The following RAPGEFL1 variants were observed in gnomAD, a reference collection of about 807,000 sequenced individuals.
RAPGEFL1 encodes rap guanine nucleotide exchange factor-like 1.
Under a neutral mutation model 64.4 loss-of-function variants are expected in RAPGEFL1, and 31 were observed. The ratio of observed to expected loss-of-function variants is 0.48; its 90% CI spans 0.36 to 0.65. The LOEUF is 0.65. RAPGEFL1 is among the 30% of genes least tolerant of loss of function. The pLI is 0.00. For missense variants in RAPGEFL1, 682 were observed against 677.4 expected (o/e 1.01, Z -0.08); for synonymous variants, 331 against 274.1 (o/e 1.21, Z -2.05).
In RAPGEFL1 at chr17:40,193,950, T is replaced by A. The variant is rs1411727428; in HGVS notation, c.*162T>A. 5 of 969,418 alleles carry A rather than the reference T, an allele frequency of 5.2e-6. No homozygotes were observed. The highest frequency in any genetic ancestry group is 7.4e-6 in the Non-Finnish European group (5 of 673,382). 60.1% of individuals were successfully genotyped at this position (969,418 alleles called of 1,614,324 possible). A position where few individuals can be genotyped will look rare whatever the true frequency, so the allele number is the denominator to read the frequency against. On this transcript the variant is annotated 3_prime_UTR_variant, in exon 15 of 15. Coordinates refer to ENST00000620260, the MANE Select transcript of RAPGEFL1 (RefSeq NM_016339.6). ...ACCCCTGGACCCATAAGTCTGTTCA[T>A]CCTGCTGAAGTCCCCTCCCCATTGC...
chr17:40,189,690 T>C (rs979160497), intron 6 of RAPGEFL1, among the ~76,000 whole-genome samples: 1 of 152,184 alleles, frequency 6.6e-6, no homozygotes, highest in East Asian at 1.9e-4. Flanking sequence ...AACAAGACTC[T>C]GTCTCTAAAA....
rs189116508 is a variant in RAPGEFL1 at position 40,178,823 on chromosome 17, G to A, written c.520+442G>A. On this transcript the variant is annotated intron_variant, in intron 1 of 14. Transcript: ENST00000620260. ...CTGACTGTTCAGAGGCCTACACAGC[G>A]CAGGCTGACCCACCCAGGGAGGCAG... Among the ~76,000 whole-genome samples, 14 of 152,348 alleles carry A rather than the reference G, an allele frequency of 9.2e-5. No individual in the cohort carries two copies. In the East Asian group the frequency reaches 2.1e-3, roughly 23 times the overall value.
chr17:40,186,663 C>T (rs1210901084), intron 4 of RAPGEFL1, among the ~76,000 whole-genome samples: 2 of 142,046 alleles, frequency 1.4e-5, no homozygotes, highest in East Asian at 2.2e-4. Context: ...TTTGGGAGGC[C>T]GAGGCAGGCA....
chr17:40,189,047 G>A, intron 5 of RAPGEFL1, 69 bp downstream of exon 5: 1 of 1,506,340 alleles, frequency 6.6e-7, no homozygotes, highest in Non-Finnish European at 9.2e-7. Flanking sequence ...TGGGTCTTGA[G>A]CACCCTCAGT....
At chr17:40,187,639 C>A (rs1030082093) in intron 4 of RAPGEFL1, among the ~76,000 whole-genome samples, 1 of 151,848 alleles carries the variant, frequency 6.6e-6, no homozygotes, top group African/African-American at 2.4e-5. Flanking sequence ...GAGACAGAGC[C>A]TGGCTCTGTC....
Position 40,193,369 on chromosome 17 carries a change from G to A in RAPGEFL1, c.1816G>A (p.Val606Met). 1 of 1,614,166 alleles carries A rather than the reference G, an allele frequency of 6.2e-7. No homozygotes were observed. The highest frequency in any genetic ancestry group is 8.5e-7 in the Non-Finnish European group (1 of 1,180,044). ...GLVNIEKLHS[V>M]AEKVRTIRKY... ...ATTCCTTGTCATCTCCCAGCATTCA[G>A]TGGCCGAAAAAGTGAGGACAATCCG... Residue 606 changes from valine to methionine, a missense_variant, in exon 14 of 15, where the codon GTG (valine) becomes ATG (methionine). By Grantham distance (21) the Val-to-Met change is conservative. Coordinates refer to ENST00000620260, the MANE Select transcript of RAPGEFL1 (RefSeq NM_016339.6).
chr17:40,188,709 T>G (rs1378635598), intron 4 of RAPGEFL1, 157 bp from the exon 5 acceptor site: 1 of 639,302 alleles, frequency 1.6e-6, no homozygotes, highest in East Asian at 2.7e-5. Context: ...TATCCCATAC[T>G]GCTCATTGTC....
chr17:40,180,692 C>T (rs896716884), intron 1 of RAPGEFL1, among the ~76,000 whole-genome samples: 2 of 152,206 alleles, frequency 1.3e-5, no homozygotes, highest in African/African-American at 2.4e-5. Context: ...TTCACATTTG[C>T]GAAATGAAAT....
chr17:40,193,781 G>A lies in RAPGEFL1; in HGVS notation c.1982G>A (p.Ser661Asn). ...CTCTCCTACAAGCTGGAGGCAAACA[G>A]TCAGTGAGAGTGGAGGCTCCAGTCA... ...FELSYKLEAN[S>N]Q is the part of the protein sequence containing the mutation. Residue 661 changes from serine to asparagine, a missense_variant, in exon 15 of 15, where the codon AGT becomes AAT. Physicochemically the swap from Ser to Asn is conservative, Grantham distance 46 (BLOSUM62 1). Coordinates refer to ENST00000620260, the MANE Select transcript of RAPGEFL1 (RefSeq NM_016339.6). 6.2e-7 allele frequency: 1 copy of A among 1,614,050 alleles called. No individual in the cohort carries two copies. The highest frequency in any genetic ancestry group is 2.2e-5 in the East Asian group (1 of 44,860).
At chr17:40,184,550 T>C (rs764117903) in intron 3 of RAPGEFL1, 31 bp from the exon 4 acceptor site, 1 of 1,384,052 alleles carries the variant, frequency 7.2e-7, no homozygotes, top group Non-Finnish European at 1.0e-6. Context: ...TGAGACCCCT[T>C]CCTTCACCTT....
intron 4 of RAPGEFL1, among the ~76,000 whole-genome samples, chr17:40,188,005 C>T (rs1487680861): frequency 2.7e-5 from 4 of 150,660 alleles, no homozygotes; most frequent in South Asian, 2.1e-4. Context: ...ACCTCCCCCT[C>T]CCGGGTTCAA....
Position 40,177,477 on chromosome 17 carries a change from C to G in RAPGEFL1, c.-385C>G, listed in dbSNP as rs757909934. On this transcript the variant is annotated 5_prime_UTR_variant, in exon 1 of 15. Transcript: ENST00000620260. ...GCGGTCTCGGTTCTGCCACCTTCCC[C>G]CTCTTCACGGCCAGGAGCGCAGCCG... The G allele has an allele frequency of 1.6e-6, 1 of 633,156 alleles. No homozygotes were observed. Among genetic ancestry groups the G allele is most frequent in the African/African-American group, 1.8e-5 (1 of 54,662 alleles). The allele number at this position is 633,156 out of a possible 1,614,324, so 39.2% of individuals were successfully genotyped here.
rs1989781011 is a variant in RAPGEFL1 at position 40,178,220 on chromosome 17, T to A, written c.359T>A (p.Leu120Gln). Residue 120 changes from leucine to glutamine, a missense_variant, in exon 1 of 15, where the codon CTG becomes CAG. This residue lies in a region of RAPGEFL1 where 271 missense variants were observed against 158.0 expected (regional missense o/e 1.72). Coordinates refer to ENST00000620260, the MANE Select transcript of RAPGEFL1 (RefSeq NM_016339.6). ...GPGPLGGGGP[L>Q]RSPSSYSSDE... ...GGGCCTCTCGGGGGAGGGGGGCCCC[T>A]GCGCTCCCCTTCCTCCTACTCATCT... The A allele has an allele frequency of 1.7e-6, 1 of 590,578 alleles. No individual in the cohort carries two copies. The highest frequency in any genetic ancestry group is 3.1e-6 in the Non-Finnish European group (1 of 326,512). The allele number at this position is 590,578 out of a possible 1,614,324, so 36.6% of individuals were successfully genotyped here.
intron 1 of RAPGEFL1, chr17:40,181,305 C>T (rs1264071486): frequency 3.9e-6 from 2 of 518,874 alleles, no homozygotes; most frequent in African/African-American, 1.9e-5. Flanking sequence ...TCAGGCAGAA[C>T]TCAACCTTGG....
At chr17:40,179,282 GGT>G (rs1237328126) in intron 1 of RAPGEFL1, among the ~76,000 whole-genome samples, 6 of 152,300 alleles carry the variant, frequency 3.9e-5, no homozygotes, top group Admixed American at 3.3e-4. Flanking sequence ...TAGCCAGGAT[GGT>G]CTCGAACTCC....
intron 4 of RAPGEFL1, among the ~76,000 whole-genome samples, chr17:40,185,783 CAAAAA>C (rs750937174): frequency 4.1e-5 from 2 of 48,912 alleles, no homozygotes; most frequent in Non-Finnish European, 8.3e-5. Flanking sequence ...GATTCTGTCT[CAAAAA>C]AAAAAAAAAA....
Position 40,192,990 on chromosome 17 carries a change from GGTGA to G in RAPGEFL1, c.1809+8_1809+11del, listed in dbSNP as rs1417382825. 3.1e-6 allele frequency: 5 copies of G among 1,613,564 alleles called. No homozygotes were observed. Among genetic ancestry groups the G allele is most frequent in the Non-Finnish European group, 3.4e-6 (4 of 1,179,462 alleles). ...ATGGTTTGGTGAACATCGAGAAGCT[GGTGA>G]GTGAGTGGCACTGCAAACCCCTAGT... On this transcript the variant is annotated splice_donor_variant and splice_donor_region_variant and intron_variant, in intron 13 of 14. Transcript: ENST00000620260. LOFTEE classifies it high-confidence loss of function.
At chr17:40,177,212 A>G (rs1484628397), upstream of RAPGEFL1, 3 of 702,504 alleles carry the variant, frequency 4.3e-6, no homozygotes, top group Non-Finnish European at 7.8e-6. Context: ...TGTCCAGGCC[A>G]CAGACCTGTC....
Position 40,190,578 on chromosome 17 carries a change from C to A in RAPGEFL1, c.1212+47C>A, listed in dbSNP as rs1228375703. On this transcript the variant is annotated intron_variant, in intron 7 of 14. Transcript: ENST00000620260. ...GACTGGAATGGAGGGCTGAGGAGGG[C>A]TGTGAGCAATCCCTCACCCTGCCAC... is the stretch of plus-strand genomic sequence containing the variant. 3 of 1,613,808 alleles carry A rather than the reference C, an allele frequency of 1.9e-6. No individual in the cohort carries two copies. In the East Asian group the frequency reaches 6.7e-5, roughly 36 times the overall value.
Sources: gnomAD v4.1 joint callset for allele counts (sites outside exome capture counted in the v4.1 genomes callset) on GRCh38, gnomAD v4.1.1 for gene constraint, gnomAD v4.1.1 regional missense constraint, MANE v1.5 for transcripts, NCBI Gene and HGNC (gene_info 2026-07-23, HGNC 2026-07-21) for gene names.